The following PPA2 variants were observed in gnomAD, a reference collection of about 807,000 sequenced individuals.
PPA2 encodes inorganic pyrophosphatase 2, also known as inorganic pyrophosphatase 2, mitochondrial.
In PPA2, 48 loss-of-function variants were observed where a neutral mutation model predicts 49.5. That is an observed-to-expected ratio of 0.97 (90% CI 0.77 to 1.23). The LOEUF (loss-of-function observed/expected upper bound fraction) is 1.23, where lower values mean the gene tolerates loss of function less well. PPA2 is among the 50% of genes most tolerant of loss of function. PPA2 has a pLI of 0.00. For missense variants in PPA2, 429 were observed against 410.1 expected, an observed-to-expected ratio of 1.05 and a Z score of -0.40; for synonymous variants, 131 against 139.9, an observed-to-expected ratio of 0.94 and a Z score of 0.45.
chr4:105,460,154 C>T (rs769423617), intron 1 of PPA2, among the ~76,000 whole-genome samples: 2 of 152,020 alleles, frequency 1.3e-5, no homozygotes, highest in Admixed American at 6.6e-5. Context: ...AATCGCAGAT[C>T]GAAAATATTC....
intron 1 of PPA2, among the ~76,000 whole-genome samples, chr4:105,464,230 C>A (rs1723208633): frequency 6.6e-6 from 1 of 152,232 alleles, no homozygotes; most frequent in Admixed American, 6.5e-5. Context: ...CAAAGGAGAT[C>A]ATTTGGAGCT....
chr4:105,408,113 A>G (rs909675501), intron 7 of PPA2, among the ~76,000 whole-genome samples: 2 of 152,220 alleles, frequency 1.3e-5, no homozygotes, highest in African/African-American at 4.8e-5. Context: ...CTGTGAAATC[A>G]AAGACATTTC....
intron 6 of PPA2, among the ~76,000 whole-genome samples, chr4:105,430,514 A>G (rs1284702809): frequency 1.3e-5 from 2 of 152,212 alleles, no homozygotes; most frequent in Non-Finnish European, 2.9e-5. Flanking sequence ...CGAACAGCAT[A>G]TAAGACCGAA....
intron 9 of PPA2, among the ~76,000 whole-genome samples, chr4:105,393,404 A>G (rs916213455): frequency 6.6e-6 from 1 of 150,902 alleles, no homozygotes; most frequent in African/African-American, 2.4e-5. Flanking sequence ...GAATCGCTGA[A>G]CTCTGGGAGG....
intron 5 of PPA2, among the ~76,000 whole-genome samples, chr4:105,439,694 TATTATG>T (rs1438642819): frequency 6.7e-6 from 1 of 148,278 alleles, no homozygotes; most frequent in Non-Finnish European, 1.5e-5. Flanking sequence ...TAAAGGTAAT[TATTATG>T]ATACTTTTAA....
intron 1 of PPA2, among the ~76,000 whole-genome samples, chr4:105,469,615 A>G (rs933657457): frequency 1.3e-5 from 2 of 152,248 alleles, no homozygotes; most frequent in African/African-American, 2.4e-5. Flanking sequence ...TAAGAAATGT[A>G]AAGGAGCCTA....
chr4:105,412,808 G>C (rs922358235), intron 7 of PPA2, among the ~76,000 whole-genome samples: 1 of 152,178 alleles, frequency 6.6e-6, no homozygotes, highest in African/African-American at 2.4e-5. Flanking sequence ...AGTTAGAATG[G>C]CAATCATTAA....
intron 1 of PPA2, among the ~76,000 whole-genome samples, chr4:105,464,701 C>T (rs78159178): frequency 3.3e-5 from 5 of 152,170 alleles, no homozygotes; most frequent in South Asian, 2.1e-4. Context: ...TGATTATATA[C>T]GGGGGAGTTT....
intron 9 of PPA2, among the ~76,000 whole-genome samples, chr4:105,395,300 A>G (rs540050678): frequency 4.4e-4 from 28 of 63,590 alleles, no homozygotes; most frequent in African/African-American, 8.5e-4. Context: ...GAATTTATTT[A>G]ATGACCCTCT....
chr4:105,466,182 C>CT (rs886744368), intron 1 of PPA2, among the ~76,000 whole-genome samples: 45 of 151,966 alleles, frequency 3.0e-4, no homozygotes, highest in South Asian at 2.7e-3. Flanking sequence ...CCAACTCTTC[C>CT]TTTTTTTTAT....
At chr4:105,454,302 CTGTTGTTGT>C (rs111229489) in intron 2 of PPA2, among the ~76,000 whole-genome samples, 7,702 of 146,308 alleles carry the variant, frequency 0.053, 384 homozygotes, top group African/African-American at 0.13. Context: ...TTTGCTGCTG[CTGTTGTTGT>C]TGTTGTTGTT....
At chr4:105,473,604 C>T (rs897251131) in intron 1 of PPA2, 2 of 646,500 alleles carry the variant, frequency 3.1e-6, no homozygotes, top group Non-Finnish European at 5.8e-6. Context: ...TCTGCCTACC[C>T]CTCGGGGAGG....
intron 7 of PPA2, among the ~76,000 whole-genome samples, chr4:105,404,323 T>A (rs1722358371): frequency 6.6e-6 from 1 of 151,658 alleles, no homozygotes; most frequent in Non-Finnish European, 1.5e-5. Context: ...CCACCCCCAA[T>A]CCCCTGATTT....
At chr4:105,376,379 A>T (rs1327811694) in intron 10 of PPA2, among the ~76,000 whole-genome samples, 1 of 152,240 alleles carries the variant, frequency 6.6e-6, no homozygotes, top group Non-Finnish European at 1.5e-5. Flanking sequence ...AAATGTAGCA[A>T]GAAATAATAC....
intron 6 of PPA2, among the ~76,000 whole-genome samples, chr4:105,426,142 T>C (rs1723495275): frequency 6.6e-6 from 1 of 152,182 alleles, no homozygotes; most frequent in Admixed American, 6.5e-5. Flanking sequence ...TATATTCTAT[T>C]GTAATATATG....
rs528590167 is a variant in PPA2 at position 105,449,085 on chromosome 4, C to T, written c.321+265G>A. The stretch of plus-strand genomic sequence containing the variant: ...TACAAAAAATAGCCGGGCGTAGTGG[C>T]GGGCGCCTGTAGTCCTAGCTACTTG... On this transcript the variant is annotated intron_variant, in intron 4 of 11. Transcript: ENST00000341695. Among the ~76,000 whole-genome samples, 46 of 139,126 alleles carry T rather than the reference C, an allele frequency of 3.3e-4. 4 individuals are homozygous for T. The highest frequency in any genetic ancestry group is 1.1e-3 in the African/African-American group (36 of 32,742). 91.3% of individuals were successfully genotyped at this position (139,126 alleles called of 152,430 possible). A position where few individuals can be genotyped will look rare whatever the true frequency, so the allele number is the denominator to read the frequency against.
intron 5 of PPA2, among the ~76,000 whole-genome samples, chr4:105,443,450 A>G (rs1021668726): frequency 3.7e-4 from 56 of 152,024 alleles, no homozygotes; most frequent in African/African-American, 1.3e-3. Context: ...AGCAGAAAAA[A>G]AAAAAAAAAA....
chr4:105,450,526 G>A (rs573596571), intron 3 of PPA2, among the ~76,000 whole-genome samples: 6 of 149,900 alleles, frequency 4.0e-5, no homozygotes, highest in African/African-American at 1.2e-4. Context: ...ACAGGTGCCC[G>A]CCAGCACGCC....
chr4:105,447,810 T>C (rs1425076784), intron 4 of PPA2, among the ~76,000 whole-genome samples: 2 of 151,764 alleles, frequency 1.3e-5, no homozygotes, highest in Non-Finnish European at 2.9e-5. Context: ...CTCAGCTCAC[T>C]GCAACCTCTG....
Sources: gnomAD v4.1 joint callset for allele counts (sites outside exome capture counted in the v4.1 genomes callset) on GRCh38, gnomAD v4.1.1 for gene constraint, MANE v1.5 for transcripts, NCBI Gene and HGNC (gene_info 2026-07-23, HGNC 2026-07-21) for gene names.